RAB38: variants seen among roughly 807,000 people sequenced by gnomAD.
The protein encoded by RAB38 is ras-related protein Rab-38.
In RAB38, 15 loss-of-function variants were observed where a neutral mutation model predicts 18.4. That is an observed-to-expected ratio of 0.82 (90% CI 0.55 to 1.26). RAB38 has a LOEUF of 1.26. RAB38 is among the 50% of genes most tolerant of loss of function. The pLI is 0.00. For missense variants in RAB38, 294 were observed against 267.4 expected, an observed-to-expected ratio of 1.10 and a Z score of -0.69; for synonymous variants, 101 against 104.4, an observed-to-expected ratio of 0.97 and a Z score of 0.20.
At chr11:88,152,497 C>G (rs546691520) in intron 1 of RAB38, among the ~76,000 whole-genome samples, 1 of 152,182 alleles carries the variant, frequency 6.6e-6, no homozygotes, top group African/African-American at 2.4e-5. Context: ...AAGAAGACAG[C>G]TTGTTTCTAG....
At chr11:88,047,213 A>T in the RAB38 span, among the ~76,000 whole-genome samples, 1 of 152,040 alleles carries the variant, frequency 6.6e-6, no homozygotes, top group Non-Finnish European at 1.5e-5. Context: ...TGAGTCTCCC[A>T]CAATTACCAT....
At chr11:88,043,602 A>ACCCCCCCCCCCCCCCCC in the RAB38 span, among the ~76,000 whole-genome samples, 2 of 114,412 alleles carry the variant, frequency 1.7e-5, no homozygotes, top group Non-Finnish European at 1.7e-5. Context: ...GCACCTTGTG[A>ACCCCCCCCCCCCCCCCC]CCCCCCCACC....
chr11:87,888,170 C>A, the RAB38 span, among the ~76,000 whole-genome samples: 3 of 151,898 alleles, frequency 2.0e-5, no homozygotes, highest in Non-Finnish European at 4.4e-5. Context: ...ACAAAGACAT[C>A]GAGTGACTGC....
chr11:87,852,921 A>T, the RAB38 span, among the ~76,000 whole-genome samples: 44 of 151,190 alleles, frequency 2.9e-4, no homozygotes, highest in African/African-American at 1.0e-3. Flanking sequence ...ACTAGCTGAA[A>T]CCCAGATCCT....
the RAB38 span, among the ~76,000 whole-genome samples, chr11:88,081,429 C>T: frequency 6.6e-6 from 1 of 151,980 alleles, no homozygotes; most frequent in African/African-American, 2.4e-5. Flanking sequence ...TTTTTTGTCT[C>T]ATAGTTATAG....
At chr11:87,835,688 C>T in the RAB38 span, among the ~76,000 whole-genome samples, 1 of 152,104 alleles carries the variant, frequency 6.6e-6, no homozygotes, top group Non-Finnish European at 1.5e-5. Context: ...GGGAGATGTC[C>T]ATCTACAAGC....
chr11:88,100,475 G>A, the RAB38 span, among the ~76,000 whole-genome samples: 5 of 151,888 alleles, frequency 3.3e-5, no homozygotes. Flanking sequence ...TCGTCCAATT[G>A]TACTTGGTAT....
chr11:87,944,513 C>A, the RAB38 span, among the ~76,000 whole-genome samples: 1 of 152,080 alleles, frequency 6.6e-6, no homozygotes, highest in Non-Finnish European at 1.5e-5. Flanking sequence ...GAATCCTCTT[C>A]CTCCCAGAAG....
chr11:87,923,856 G>C, the RAB38 span, among the ~76,000 whole-genome samples: 2 of 151,372 alleles, frequency 1.3e-5, no homozygotes, highest in African/African-American at 2.4e-5. Context: ...AGGAATCATC[G>C]ACCCAGAGAG....
At position 88,126,749 on chromosome 11, in the gene RAB38, C is replaced by T. The variant is rs1942700460; in HGVS notation, c.484-12609G>A. Among the ~76,000 whole-genome samples, 5 of 151,976 alleles carry T rather than the reference C, an allele frequency of 3.3e-5. No homozygotes were observed. In the South Asian group the frequency reaches 8.3e-4, roughly 25 times the overall value. ...AGAAGTATCCCAGCTCTGTGTATTG[C>T]CACTCGTGTAACCTCCAGGAAGTCA... On this transcript the variant is annotated intron_variant, in intron 2 of 2. Coordinates refer to ENST00000243662, the MANE Select transcript of RAB38 (RefSeq NM_022337.3).
the RAB38 span, among the ~76,000 whole-genome samples, chr11:88,071,315 A>T: frequency 6.6e-6 from 1 of 152,142 alleles, no homozygotes; most frequent in Non-Finnish European, 1.5e-5. Flanking sequence ...GAACAGAAAC[A>T]AAATCCACCT....
chr11:87,929,828 C>T, the RAB38 span, among the ~76,000 whole-genome samples: 2 of 148,368 alleles, frequency 1.3e-5, no homozygotes, highest in African/African-American at 5.0e-5. Context: ...GATTTTTTGT[C>T]CTTGCGATAG....
At chr11:87,884,759 C>G in the RAB38 span, among the ~76,000 whole-genome samples, 3 of 151,892 alleles carry the variant, frequency 2.0e-5, no homozygotes, top group African/African-American at 7.2e-5. Flanking sequence ...TTAATTCCCA[C>G]AACTAAGGCC....
chr11:88,082,367 A>T, the RAB38 span, among the ~76,000 whole-genome samples: 1 of 152,046 alleles, frequency 6.6e-6, no homozygotes, highest in South Asian at 2.1e-4. Context: ...AAAGCCAAAA[A>T]GGAAGGAGAT....
At chr11:87,914,245 T>C in the RAB38 span, among the ~76,000 whole-genome samples, 3 of 152,048 alleles carry the variant, frequency 2.0e-5, no homozygotes, top group African/African-American at 7.2e-5. Flanking sequence ...GACCAAAACA[T>C]TGATAGAAAC....
the RAB38 span, among the ~76,000 whole-genome samples, chr11:87,942,586 C>T: frequency 5.3e-5 from 8 of 152,064 alleles, no homozygotes; most frequent in Non-Finnish European, 1.2e-4. Flanking sequence ...ACTTGAGGGG[C>T]ACTGTCTCAA....
chr11:88,028,419 T>A, the RAB38 span, among the ~76,000 whole-genome samples: 3 of 152,102 alleles, frequency 2.0e-5, no homozygotes, highest in Non-Finnish European at 4.4e-5. Flanking sequence ...CTTCAGACGA[T>A]CAAACTACTC....
chr11:88,014,521 A>G, the RAB38 span, among the ~76,000 whole-genome samples: 1 of 152,160 alleles, frequency 6.6e-6, no homozygotes, highest in Non-Finnish European at 1.5e-5. Flanking sequence ...GAAGTGGCAG[A>G]GTTGAGATTA....
the RAB38 span, among the ~76,000 whole-genome samples, chr11:88,057,934 G>GA: frequency 3.3e-5 from 5 of 151,586 alleles, no homozygotes; most frequent in East Asian, 3.9e-4. Flanking sequence ...CCTCACAAAT[G>GA]AAAAAAAATT....
Sources: allele counts gnomAD v4.1 joint callset (sites outside exome capture counted in the v4.1 genomes callset), GRCh38; gene constraint gnomAD v4.1.1; transcripts MANE v1.5; gene names NCBI Gene and HGNC (gene_info 2026-07-23, HGNC 2026-07-21).